Variants in PPP6R3 observed in about 807,000 individuals in gnomAD.
PPP6R3 encodes serine/threonine-protein phosphatase 6 regulatory subunit 3.
In PPP6R3, 38 loss-of-function variants were observed where a neutral mutation model predicts 110.7. That is an observed-to-expected ratio of 0.34 (90% confidence interval 0.26 to 0.45). The LOEUF is 0.45. PPP6R3 is among the 20% of genes least tolerant of loss of function. The probability of loss-of-function intolerance (pLI) is 1.00; values close to 1 mark genes in which losing one functional copy is unlikely to be tolerated. For synonymous variants in PPP6R3, 369 were observed against 373.5 expected (o/e 0.99, Z 0.14); for missense variants, 870 against 1,062.4 (o/e 0.82, Z 2.52).
At chr11:68,487,425 C>T (rs867702769) in intron 1 of PPP6R3, among the ~76,000 whole-genome samples, 11 of 151,990 alleles carry the variant, frequency 7.2e-5, no homozygotes, top group East Asian at 3.8e-4. Context: ...AAAAATTAGC[C>T]GGGGCATGGT....
At chr11:68,603,521 C>T (rs749699983) in intron 22 of PPP6R3, 29 bp downstream of exon 22, 1 of 1,613,462 alleles carries the variant, frequency 6.2e-7, no homozygotes, top group African/African-American at 1.3e-5. Flanking sequence ...CTGCTGGTAG[C>T]TTCAGGTTAT....
At chr11:68,539,283 T>C (rs1284106968) in intron 3 of PPP6R3, among the ~76,000 whole-genome samples, 1 of 152,220 alleles carries the variant, frequency 6.6e-6, no homozygotes, top group South Asian at 2.1e-4. Flanking sequence ...CTTACCCTTC[T>C]TGGGTCTGTT....
intron 1 of PPP6R3, among the ~76,000 whole-genome samples, chr11:68,477,741 A>ATATATATATATATATATATAT (rs1555021448): frequency 6.9e-5 from 4 of 57,900 alleles, no homozygotes; most frequent in African/African-American, 1.4e-4. Context: ...AAAAAAAAAA[A>ATATATATATATATATATATAT]ATATATATAT....
chr11:68,487,324 G>A (rs1392604185), intron 1 of PPP6R3, among the ~76,000 whole-genome samples: 3 of 151,764 alleles, frequency 2.0e-5, no homozygotes, highest in Admixed American at 6.6e-5. Context: ...AAGCTGAGGC[G>A]GGCGGATCCC....
chr11:68,595,966 T>G, intron 18 of PPP6R3, 131 bp from the exon 19 acceptor site: 1 of 1,153,568 alleles, frequency 8.7e-7, no homozygotes, highest in African/African-American at 1.5e-5. Context: ...CCTGACCACG[T>G]GGTGCTCAGA....
chr11:68,529,813 C>T (rs1276153453), intron 2 of PPP6R3, among the ~76,000 whole-genome samples: 1 of 152,214 alleles, frequency 6.6e-6, no homozygotes, highest in Non-Finnish European at 1.5e-5. Flanking sequence ...CCTATAACCT[C>T]TTCTTACCTA....
rs1944545930 is a variant in PPP6R3 at position 68,613,656 on chromosome 11, A to ATATT, written c.*541_*544dup. The ATATT allele has an allele frequency of 1.0e-6, 1 of 978,928 alleles. No individual in the cohort carries two copies. Among genetic ancestry groups the ATATT allele is most frequent in the African/African-American group, 1.7e-5 (1 of 57,178 alleles). The allele number at this position is 978,928 out of a possible 1,614,324, so 60.6% of individuals were successfully genotyped here. On this transcript the variant is annotated 3_prime_UTR_variant, in exon 24 of 24. Transcript: ENST00000393800. ...TTACAAAAGTGATTTTGAATAAGAA[A>ATATT]TATTTGGTGTTCTTTTTATAACCAG...
intron 1 of PPP6R3, among the ~76,000 whole-genome samples, chr11:68,465,133 C>A (rs932880976): frequency 6.6e-6 from 1 of 152,188 alleles, no homozygotes; most frequent in African/African-American, 2.4e-5. Context: ...CCGCCCGCCT[C>A]GGCCTCCCAA....
intron 2 of PPP6R3, among the ~76,000 whole-genome samples, chr11:68,531,990 T>C (rs1452360752): frequency 6.6e-6 from 1 of 152,224 alleles, no homozygotes; most frequent in Non-Finnish European, 1.5e-5. Flanking sequence ...TTGAATATGC[T>C]AGCATTCGAC....
chr11:68,554,306 C>G, intron 7 of PPP6R3, 49 bp downstream of exon 7: 1 of 1,382,022 alleles, frequency 7.2e-7, no homozygotes, highest in Non-Finnish European at 1.0e-6. Context: ...GATGCTGTTC[C>G]ATGTGTTACC....
intron 1 of PPP6R3, among the ~76,000 whole-genome samples, chr11:68,501,264 C>A (rs577799626): frequency 6.6e-6 from 1 of 152,274 alleles, no homozygotes; most frequent in Non-Finnish European, 1.5e-5. Flanking sequence ...CAGAAACTTT[C>A]ATGATGAAAA....
At chr11:68,497,487 G>C (rs890332034) in intron 1 of PPP6R3, among the ~76,000 whole-genome samples, 1 of 152,062 alleles carries the variant, frequency 6.6e-6, no homozygotes, top group African/African-American at 2.4e-5. Flanking sequence ...TGAGTAGCTG[G>C]GACTACAGAC....
intron 1 of PPP6R3, among the ~76,000 whole-genome samples, chr11:68,468,018 C>A (rs2098760794): frequency 6.6e-6 from 1 of 152,186 alleles, no homozygotes; most frequent in East Asian, 1.9e-4. Flanking sequence ...TAGTGATCCG[C>A]CCGTCTTGGC....
chr11:68,554,269 ACT>A lies in PPP6R3; in HGVS notation c.731+15_731+16del. On this transcript the variant is annotated intron_variant, in intron 7 of 23. Transcript: ENST00000393800. ...GCCACTCTAGAAAAGTATGTGTAAA[ACT>A]CTGTTCTTGTTCTTCTTTCATATTG... is the stretch of plus-strand genomic sequence containing the variant. 1.9e-6 allele frequency: 3 copies of A among 1,572,980 alleles called. No individual in the cohort carries two copies. Among genetic ancestry groups the A allele is most frequent in the Non-Finnish European group, 8.7e-7 (1 of 1,147,402 alleles).
At chr11:68,608,850 G>T (rs936611783) in intron 22 of PPP6R3, among the ~76,000 whole-genome samples, 2 of 152,168 alleles carry the variant, frequency 1.3e-5, no homozygotes, top group Non-Finnish European at 2.9e-5. Context: ...CACATTAGTT[G>T]CTTTGAAGGG....
At chr11:68,552,038 C>G (rs1292333341) in intron 6 of PPP6R3, among the ~76,000 whole-genome samples, 2 of 152,154 alleles carry the variant, frequency 1.3e-5, no homozygotes, top group Non-Finnish European at 2.9e-5. Context: ...GAACTCTGTG[C>G]TGAGGGAATG....
At position 68,541,577 on chromosome 11, in the gene PPP6R3, C is replaced by T. The variant is rs563278401; in HGVS notation, c.228-3261C>T. ...GGCAGGAGTTTGGGTCTGGCCCTGT[C>T]ACATTTGAAATGCCTGTTAGACATG... On this transcript the variant is annotated intron_variant, in intron 3 of 23. Coordinates refer to ENST00000393800, the MANE Select transcript of PPP6R3 (RefSeq NM_001164161.2). Among the ~76,000 whole-genome samples, 28 of 152,186 alleles carry T rather than the reference C, an allele frequency of 1.8e-4. No homozygotes were observed. The South Asian group carries it at 5.8e-3, about 32-fold the overall frequency.
At chr11:68,556,308 C>T (rs1023983781) in intron 7 of PPP6R3, among the ~76,000 whole-genome samples, 11 of 151,972 alleles carry the variant, frequency 7.2e-5, no homozygotes, top group Non-Finnish European at 1.0e-4. Context: ...TCTCAGAAAG[C>T]GGACTGAAGT....
At chr11:68,572,381 C>G in intron 12 of PPP6R3, among the ~76,000 whole-genome samples, 1 of 152,164 alleles carries the variant, frequency 6.6e-6, no homozygotes, top group Admixed American at 6.5e-5. Context: ...TTCCTTGTTT[C>G]CTTGCACAAC....
Sources: gnomAD v4.1 joint callset for allele counts (sites outside exome capture counted in the v4.1 genomes callset) on GRCh38, gnomAD v4.1.1 for gene constraint, MANE v1.5 for transcripts, NCBI Gene and HGNC (gene_info 2026-07-23, HGNC 2026-07-21) for gene names.